PCDHGA2: variants seen among roughly 807,000 people sequenced by gnomAD.
The protein encoded by PCDHGA2 is protocadherin gamma-A2.
In PCDHGA2, 40 loss-of-function variants were observed where a neutral mutation model predicts 59.2. The ratio of observed to expected loss-of-function variants is 0.68; its 90% CI spans 0.52 to 0.88. PCDHGA2 has a LOEUF of 0.88. Ranked by LOEUF, PCDHGA2 falls within the 40% of genes least tolerant of loss-of-function variation. The probability of loss-of-function intolerance (pLI) is 0.00; values close to 1 mark genes in which losing one functional copy is unlikely to be tolerated. For missense variants in PCDHGA2, 1,226 were observed against 1,204.0 expected (o/e 1.02, Z -0.27); for synonymous variants, 560 against 526.0 (o/e 1.06, Z -0.89).
At chr5:141,353,069 G>C (rs575305873) in intron 1 of PCDHGA2, among the ~76,000 whole-genome samples, 1 of 152,196 alleles carries the variant, frequency 6.6e-6, no homozygotes, top group East Asian at 1.9e-4. Flanking sequence ...CATTGTTCTA[G>C]TGATGGTATC....
chr5:141,408,469 A>G (rs1454570616), intron 1 of PCDHGA2: 2 of 1,614,078 alleles, frequency 1.2e-6, no homozygotes, highest in South Asian at 2.2e-5. Flanking sequence ...TGAAGAACCG[A>G]ATAGACCGTG....
At chr5:141,458,081 GTAAGT>G (rs2098936973) in intron 1 of PCDHGA2, among the ~76,000 whole-genome samples, 1 of 152,186 alleles carries the variant, frequency 6.6e-6, no homozygotes, top group Non-Finnish European at 1.5e-5. Context: ...CTATATTGCC[GTAAGT>G]TAAGAGTACT....
At chr5:141,347,244 C>T (rs1757939197) in intron 1 of PCDHGA2, among the ~76,000 whole-genome samples, 1 of 151,416 alleles carries the variant, frequency 6.6e-6, no homozygotes, top group Admixed American at 6.6e-5. Flanking sequence ...GCCTTGACCT[C>T]GCAGACTCAA....
At chr5:141,410,776 A>G (rs2095422946) in intron 1 of PCDHGA2, 7 of 919,622 alleles carry the variant, frequency 7.6e-6, no homozygotes, top group South Asian at 4.0e-5. Context: ...AGTTTTCACT[A>G]TGTATTTGGT....
At chr5:141,411,097 A>C (rs2095464397) in intron 1 of PCDHGA2, 1 of 153,002 alleles carries the variant, frequency 6.5e-6, no homozygotes, top group Non-Finnish European at 1.4e-5. Flanking sequence ...TGATCCTCCC[A>C]CCTTGGCCTC....
intron 1 of PCDHGA2, chr5:141,362,736 AC>A: frequency 1.3e-6 from 1 of 764,592 alleles, no homozygotes; most frequent in Non-Finnish European, 2.0e-6. Flanking sequence ...AGATTTATTT[AC>A]CCATGATTGC....
In PCDHGA2 at chr5:141,398,686, G is replaced by A. The variant is rs2093688431; in HGVS notation, c.2424+57291G>A. On this transcript the variant is annotated intron_variant, in intron 1 of 3. Coordinates refer to ENST00000394576, the MANE Select transcript of PCDHGA2 (RefSeq NM_018915.4). ...CTCATTAATAATTAAGGAGAAACAG[G>A]ATGGTAGTAAATACCCGGAACTGGC... 3 of 1,613,920 alleles carry A rather than the reference G, an allele frequency of 1.9e-6. No individual in the cohort carries two copies. The East Asian group carries it at 6.7e-5, about 36-fold the overall frequency.
intron 1 of PCDHGA2, chr5:141,374,885 G>T: frequency 6.2e-7 from 1 of 1,613,628 alleles, no homozygotes; most frequent in South Asian, 1.1e-5. Flanking sequence ...GACTGCCACC[G>T]ACCAGGATGA....
intron 1 of PCDHGA2, chr5:141,377,601 C>G: frequency 7.5e-6 from 1 of 133,100 alleles, no homozygotes; most frequent in South Asian, 2.3e-4. Flanking sequence ...TTCTCTCTCT[C>G]TCTCAAAAAA....
chr5:141,424,195 A>C (rs2096804945), intron 1 of PCDHGA2: 1 of 183,680 alleles, frequency 5.4e-6, no homozygotes, highest in Non-Finnish European at 1.1e-5. Context: ...ACACACTTAT[A>C]CACGTAAGCT....
intron 1 of PCDHGA2, chr5:141,413,527 G>A (rs768496934): frequency 1.2e-6 from 2 of 1,613,938 alleles, no homozygotes; most frequent in Non-Finnish European, 1.7e-6. Flanking sequence ...GGAAGACAGG[G>A]TGAAACTTTT....
rs754618010 is a variant in PCDHGA2 at position 141,370,745 on chromosome 5, T to G, written c.2424+29350T>G. 19 of 1,613,834 alleles carry G rather than the reference T, an allele frequency of 1.2e-5. 1 individual carries two copies. In the South Asian group the frequency reaches 2.1e-4, roughly 18 times the overall value. ...TTGCTGAAAAGCCTTTAAACTTTTT[T>G]CATGTAACTGTGCTGATCCAGGATA... On this transcript the variant is annotated intron_variant, in intron 1 of 3. Coordinates refer to ENST00000394576, the MANE Select transcript of PCDHGA2 (RefSeq NM_018915.4).
At chr5:141,388,908 G>A (rs1240421900) in intron 1 of PCDHGA2, 5 of 1,613,892 alleles carry the variant, frequency 3.1e-6, no homozygotes, top group Admixed American at 1.7e-5. Flanking sequence ...AAATGACAAC[G>A]CCCCAGAAGT....
rs371245499 is a variant in PCDHGA2 at position 141,399,811 on chromosome 5, G to T, written c.2424+58416G>T. 1.0e-4 allele frequency: 169 copies of T among 1,613,100 alleles called. No homozygotes were observed. The highest frequency in any genetic ancestry group is 1.4e-4 in the Non-Finnish European group (163 of 1,179,762). ...CAACGCACCGCGGGTGCTGTACCCC[G>T]CGCTGGGTCCCGACGGCTCTGCGCT... On this transcript the variant is annotated intron_variant, in intron 1 of 3. Coordinates refer to ENST00000394576, the MANE Select transcript of PCDHGA2 (RefSeq NM_018915.4).
At position 141,505,504 on chromosome 5, in the gene PCDHGA2, T is replaced by C. The variant is rs756583857; in HGVS notation, c.2572+23T>C. The C allele has an allele frequency of 9.3e-6, 15 of 1,614,020 alleles. No individual in the cohort carries two copies. The African/African-American group carries it at 1.2e-4, about 13-fold the overall frequency. ...GTGGTAAGTGGTGTCAGTGTGTGTA[T>C]GGAAGAGTGGGAGACCTGGGGTTCT... On this transcript the variant is annotated intron_variant, in intron 3 of 3. Transcript: ENST00000394576.
chr5:141,489,793 C>G lies in PCDHGA2; in HGVS notation c.2425-5014C>G. On this transcript the variant is annotated intron_variant, in intron 1 of 3. Transcript: ENST00000394576. This position sits in a 1 kb window ranked among gnomAD's most constrained non-coding sequence, Gnocchi z 4.5. ...CCACTTCTCTCTGAATGTGAAGACC[C>G]TAAAAGATGGGAAGCCATTCCCAGA... 1 of 1,614,160 alleles carries G rather than the reference C, an allele frequency of 6.2e-7. No individual in the cohort carries two copies. The highest frequency in any genetic ancestry group is 1.1e-5 in the South Asian group (1 of 91,078).
intron 1 of PCDHGA2, among the ~76,000 whole-genome samples, chr5:141,450,467 T>C (rs997813636): frequency 9.2e-5 from 14 of 151,944 alleles, no homozygotes; most frequent in African/African-American, 3.2e-4. Flanking sequence ...ATTTTATATA[T>C]AGAGTTTGTT....
At chr5:141,472,778 G>T (rs1244170163) in intron 1 of PCDHGA2, among the ~76,000 whole-genome samples, 1 of 151,878 alleles carries the variant, frequency 6.6e-6, no homozygotes, top group Non-Finnish European at 1.5e-5. Flanking sequence ...CTGAGGTTGG[G>T]AGTTCAAGAT....
At position 141,399,297 on chromosome 5, in the gene PCDHGA2, T is replaced by G. The variant is rs370898446; in HGVS notation, c.2424+57902T>G. On this transcript the variant is annotated intron_variant, in intron 1 of 3. Transcript: ENST00000394576. The stretch of plus-strand genomic sequence containing the variant: ...TACAAGGCGAAGTCCCTTTTAAGAT[T>G]ATCTCTTCATCCAAAAATTCGTATA... 14 of 1,613,948 alleles carry G rather than the reference T, an allele frequency of 8.7e-6. No individual in the cohort carries two copies. The East Asian group carries it at 2.9e-4, about 33-fold the overall frequency.
Sources: gnomAD v4.1 joint callset for allele counts (sites outside exome capture counted in the v4.1 genomes callset) on GRCh38, gnomAD v4.1.1 for gene constraint, Gnocchi (gnomAD v3.1) non-coding constraint, MANE v1.5 for transcripts, NCBI Gene and HGNC (gene_info 2026-07-23, HGNC 2026-07-21) for gene names.